The following GLRA1 variants were observed in gnomAD, a reference collection of about 807,000 sequenced individuals.
The protein encoded by GLRA1 is glycine receptor alpha 1, also known as glycine receptor subunit alpha-1.
GLRA1 carries 37 observed loss-of-function variants against 48.3 expected under a neutral mutation model. The ratio of observed to expected loss-of-function variants is 0.77; its 90% CI spans 0.59 to 1.01. GLRA1 has a LOEUF of 1.01. GLRA1 is among the 50% of genes least tolerant of loss of function. GLRA1 has a pLI of 0.00. For synonymous variants in GLRA1, 196 were observed against 210.7 expected (o/e 0.93, Z 0.60); for missense variants, 427 against 571.0 (o/e 0.75, Z 2.57).
intron 1 of GLRA1, 136 bp downstream of exon 1, chr5:151,924,358 G>A: frequency 1.4e-6 from 1 of 723,188 alleles, no homozygotes; most frequent in Non-Finnish European, 2.6e-6. Context: ...AAGGGAGACG[G>A]GGGATGGAAG....
At chr5:151,869,178 A>C (rs985788983) in intron 3 of GLRA1, among the ~76,000 whole-genome samples, 1 of 150,966 alleles carries the variant, frequency 6.6e-6, no homozygotes, top group Non-Finnish European at 1.5e-5. Flanking sequence ...ATCTCTGCTC[A>C]CTGCAACCTC....
intron 7 of GLRA1, among the ~76,000 whole-genome samples, chr5:151,847,725 C>CAA (rs769363716): frequency 2.1e-4 from 18 of 87,656 alleles, no homozygotes; most frequent in African/African-American, 4.0e-4. Context: ...GACTTCGTCT[C>CAA]AAAAAAAAAA....
intron 7 of GLRA1, among the ~76,000 whole-genome samples, chr5:151,832,615 GAACA>G (rs1306158440): frequency 2.0e-5 from 3 of 152,186 alleles, no homozygotes; most frequent in African/African-American, 7.2e-5. Flanking sequence ...GAATGAAAAG[GAACA>G]AACAAAGCCT....
At position 151,906,801 on chromosome 5, in the gene GLRA1, G is replaced by T. The variant is rs190541972; in HGVS notation, c.57-14363C>A. Reference sequence around the variant, plus strand: ...AGTTAACGTGGTTAATAGGTGGAATGGTAGGAATGGAGCCAGGTCTTTCTA... The same window carrying T: ...AGTTAACGTGGTTAATAGGTGGAATTGTAGGAATGGAGCCAGGTCTTTCTA... On this transcript the variant is annotated intron_variant, in intron 1 of 8. Transcript: ENST00000274576. Among the ~76,000 whole-genome samples, 20 of 152,300 alleles carry T rather than the reference G, an allele frequency of 1.3e-4. No homozygotes were observed. In the East Asian group the frequency reaches 3.1e-3, roughly 23 times the overall value.
At chr5:151,832,525 C>T (rs542170629) in intron 7 of GLRA1, among the ~76,000 whole-genome samples, 1 of 152,212 alleles carries the variant, frequency 6.6e-6, no homozygotes, top group Non-Finnish European at 1.5e-5. Flanking sequence ...ATAGCTGAAT[C>T]GATCAAGCGG....
intron 1 of GLRA1, among the ~76,000 whole-genome samples, chr5:151,918,874 A>G (rs1161539825): frequency 6.6e-6 from 1 of 152,194 alleles, no homozygotes; most frequent in Non-Finnish European, 1.5e-5. Flanking sequence ...TATTGAGTCC[A>G]AATTTGTAAG....
chr5:151,862,172 C>A (rs10050657), intron 3 of GLRA1, among the ~76,000 whole-genome samples: 60,418 of 151,756 alleles, frequency 0.4, 12,169 homozygotes, highest in South Asian at 0.45. Flanking sequence ...GAAAAACAAG[C>A]AATGGGGAAA....
intron 3 of GLRA1, among the ~76,000 whole-genome samples, chr5:151,867,167 A>G (rs1285911972): frequency 1.3e-5 from 2 of 152,186 alleles, no homozygotes; most frequent in African/African-American, 4.8e-5. Context: ...AATTGCCATT[A>G]GAGATGATTT....
At chr5:151,854,663 C>A (rs1382990217) in intron 6 of GLRA1, among the ~76,000 whole-genome samples, 1 of 152,246 alleles carries the variant, frequency 6.6e-6, no homozygotes, top group East Asian at 1.9e-4. Context: ...TCAGCTCCCT[C>A]TTGCTGAGGT....
At chr5:151,898,739 G>A (rs1286533889) in intron 1 of GLRA1, among the ~76,000 whole-genome samples, 1 of 152,192 alleles carries the variant, frequency 6.6e-6, no homozygotes, top group African/African-American at 2.4e-5. Flanking sequence ...GGTGGGAGGT[G>A]AAAGAGGAAG....
chr5:151,864,756 C>G (rs1189363915), intron 3 of GLRA1, among the ~76,000 whole-genome samples: 1 of 152,086 alleles, frequency 6.6e-6, no homozygotes. Context: ...GTCTTATGTC[C>G]TCAGCTTGAT....
intron 3 of GLRA1, among the ~76,000 whole-genome samples, chr5:151,883,006 T>C (rs1753796594): frequency 6.6e-6 from 1 of 152,160 alleles, no homozygotes; most frequent in African/African-American, 2.4e-5. Flanking sequence ...AACCTATTGG[T>C]GATGTTAAGT....
chr5:151,866,303 C>G (rs1373203827), intron 3 of GLRA1, among the ~76,000 whole-genome samples: 1 of 152,210 alleles, frequency 6.6e-6, no homozygotes, highest in Admixed American at 6.5e-5. Flanking sequence ...TTCATTCATT[C>G]ATTCCACAGA....
intron 1 of GLRA1, among the ~76,000 whole-genome samples, chr5:151,898,817 A>G (rs1754290478): frequency 6.6e-6 from 1 of 152,216 alleles, no homozygotes; most frequent in Non-Finnish European, 1.5e-5. Context: ...CAGCGAGTAC[A>G]GTGGACAGGT....
At chr5:151,897,700 CTATT>C (rs1223728077) in intron 1 of GLRA1, among the ~76,000 whole-genome samples, 1 of 152,158 alleles carries the variant, frequency 6.6e-6, no homozygotes, top group Non-Finnish European at 1.5e-5. Flanking sequence ...TATTCTAGGA[CTATT>C]TAGACACTCT....
chr5:151,893,363 T>TC (rs1413516168), intron 1 of GLRA1, among the ~76,000 whole-genome samples: 3 of 150,082 alleles, frequency 2.0e-5, no homozygotes, highest in Non-Finnish European at 3.0e-5. Flanking sequence ...TTTCTTTCAT[T>TC]TTAGTTCTGG....
At chr5:151,846,050 A>G (rs1414188348) in intron 7 of GLRA1, among the ~76,000 whole-genome samples, 1 of 152,158 alleles carries the variant, frequency 6.6e-6, no homozygotes, top group Non-Finnish European at 1.5e-5. Context: ...TTGTTACCAG[A>G]GGCTCTTGGG....
At chr5:151,894,994 T>G (rs1292258314) in intron 1 of GLRA1, among the ~76,000 whole-genome samples, 7 of 152,180 alleles carry the variant, frequency 4.6e-5, no homozygotes, top group Non-Finnish European at 8.8e-5. Context: ...TGCACTTTAG[T>G]TTCTTTGTGT....
intron 1 of GLRA1, among the ~76,000 whole-genome samples, chr5:151,910,133 C>G (rs1469372343): frequency 6.6e-6 from 1 of 152,156 alleles, no homozygotes; most frequent in Non-Finnish European, 1.5e-5. Context: ...GAAATAGTTT[C>G]AGCTTCTAGG....
Sources: gnomAD v4.1 joint callset for allele counts (sites outside exome capture counted in the v4.1 genomes callset) on GRCh38, gnomAD v4.1.1 for gene constraint, MANE v1.5 for transcripts, NCBI Gene and HGNC (gene_info 2026-07-23, HGNC 2026-07-21) for gene names.